COL23A1: variants seen among roughly 807,000 people sequenced by gnomAD.
COL23A1 encodes collagen type XXIII alpha 1 chain, also known as collagen alpha-1(XXIII) chain.
In COL23A1, 97 loss-of-function variants were observed where a neutral mutation model predicts 99.3. The ratio of observed to expected loss-of-function variants is 0.98; its 90% CI spans 0.83 to 1.16. The LOEUF (loss-of-function observed/expected upper bound fraction) is 1.16. Ranked by LOEUF, COL23A1 falls within the 50% of genes most tolerant of loss-of-function variation. COL23A1 has a pLI of 0.00. For missense variants in COL23A1, 762 were observed against 757.4 expected, an observed-to-expected ratio of 1.01 and a Z score of -0.07; for synonymous variants, 320 against 308.2, an observed-to-expected ratio of 1.04 and a Z score of -0.40.
chr5:178,292,604 A>G (rs2973778), intron 3 of COL23A1, among the ~76,000 whole-genome samples: 123,111 of 152,088 alleles, frequency 0.81, 50,686 homozygotes, highest in Non-Finnish European at 0.9. Context: ...CGTGTGGGGT[A>G]GCAGGGGTAG....
intron 2 of COL23A1, among the ~76,000 whole-genome samples, chr5:178,444,895 T>C (rs566474509): frequency 3.1e-4 from 47 of 152,330 alleles, no homozygotes; most frequent in Non-Finnish European, 5.4e-4. Context: ...GAAATATAAA[T>C]ATAATACAGT....
At chr5:178,272,666 C>T (rs550224074) in intron 5 of COL23A1, among the ~76,000 whole-genome samples, 7 of 152,278 alleles carry the variant, frequency 4.6e-5, no homozygotes, top group Admixed American at 6.5e-5. Flanking sequence ...TGCCAGTTCC[C>T]GGCTGTCCTG....
rs989282172 is a variant in COL23A1, at chr5:178,281,527, C to T, written c.441+6797G>A. ...CCTCGACTCCAGAGGGGCTTGGGCA[C>T]GGCGCTCCGGGGCCCAGGAGGTGCC... On this transcript the variant is annotated intron_variant, in intron 5 of 28. Coordinates refer to ENST00000390654, the MANE Select transcript of COL23A1 (RefSeq NM_173465.4). The surrounding 1 kb of genome is among the most constrained non-coding windows in gnomAD (Gnocchi z 4.0). Among the ~76,000 whole-genome samples the T allele has an allele frequency of 9.2e-5, 14 of 152,236 alleles. No individual in the cohort carries two copies. In the South Asian group the frequency reaches 1.7e-3, roughly 18 times the overall value.
intron 2 of COL23A1, among the ~76,000 whole-genome samples, chr5:178,409,489 AGT>A (rs34824661): frequency 4.0e-5 from 6 of 151,284 alleles, no homozygotes; most frequent in South Asian, 2.1e-4. Flanking sequence ...TATTTACACT[AGT>A]GTGTGTGTGT....
intron 2 of COL23A1, among the ~76,000 whole-genome samples, chr5:178,517,873 C>CTTTTTTTTTTTTTTTTTTTT (rs71577021): frequency 7.2e-5 from 7 of 97,734 alleles, no homozygotes; most frequent in African/African-American, 9.7e-5. Flanking sequence ...AACAGCGGTT[C>CTTTTTTTTTTTTTTTTTTTT]TTTTTTTTTT....
chr5:178,533,483 A>G (rs1333506159), intron 2 of COL23A1, among the ~76,000 whole-genome samples: 1 of 152,110 alleles, frequency 6.6e-6, no homozygotes, highest in African/African-American at 2.4e-5. Context: ...AGCTTCATCC[A>G]TGTTGTAGCA....
chr5:178,508,157 T>A (rs763273042), intron 2 of COL23A1, among the ~76,000 whole-genome samples: 10 of 152,174 alleles, frequency 6.6e-5, no homozygotes, highest in Non-Finnish European at 1.0e-4. Context: ...ATCTTTTGAG[T>A]TTTTAATTTT....
At chr5:178,560,804 A>G in intron 1 of COL23A1, 56 bp from the exon 2 acceptor site, 2 of 1,537,948 alleles carry the variant, frequency 1.3e-6, no homozygotes, top group East Asian at 2.3e-5. Context: ...TTCAGAACAG[A>G]GAGGGGTAAA....
chr5:178,524,621 T>C (rs1406254645), intron 2 of COL23A1, among the ~76,000 whole-genome samples: 1 of 152,208 alleles, frequency 6.6e-6, no homozygotes, highest in Admixed American at 6.5e-5. Context: ...TCCTCCCCCA[T>C]GGACCACCTG....
In COL23A1 at chr5:178,491,075, AAGG is replaced by A. The variant is rs138752011; in HGVS notation, c.361+69604_361+69606del. The stretch of plus-strand genomic sequence containing the variant: ...GGAGAGAGAGAGAAAAAGAGGAAAG[AAGG>A]AGAAGAGAGAAGAGAGAGGAGGGGG... On this transcript the variant is annotated intron_variant, in intron 2 of 28. Transcript: ENST00000390654. Among the ~76,000 whole-genome samples, 89 of 151,914 alleles carry A rather than the reference AAGG, an allele frequency of 5.9e-4. 1 individual carries two copies. Among genetic ancestry groups the A allele is most frequent in the African/African-American group, 2.0e-3 (81 of 41,422 alleles).
intron 4 of COL23A1, 154 bp from the exon 5 acceptor site, chr5:178,288,504 T>G (rs755897761): frequency 1.3e-6 from 1 of 741,834 alleles, no homozygotes; most frequent in South Asian, 1.5e-5. Flanking sequence ...TCCAGGGGTC[T>G]TGGGGGCAGA....
chr5:178,364,139 G>A lies in COL23A1; in HGVS notation c.362-57220C>T, dbSNP rs115837823. Among the ~76,000 whole-genome samples, 333 of 152,300 alleles carry A rather than the reference G, an allele frequency of 2.2e-3. 2 individuals carry two copies. The highest frequency in any genetic ancestry group is 7.4e-3 in the African/African-American group (307 of 41,556). ...ATCTTGTGCCACATGGACATTTAAA[G>A]CCGCGTGTGCTTTTCTGCACATTTC... On this transcript the variant is annotated intron_variant, in intron 2 of 28. Coordinates refer to ENST00000390654, the MANE Select transcript of COL23A1 (RefSeq NM_173465.4).
At position 178,474,726 on chromosome 5, in the gene COL23A1, A is replaced by C. The variant is rs542684661; in HGVS notation, c.361+85956T>G. ...GTTTAGGTACAGGGGATTCCAAAGC[A>C]AACAAAAGAAAATCAATTGCTCCCA... On this transcript the variant is annotated intron_variant, in intron 2 of 28. Transcript: ENST00000390654. Among the ~76,000 whole-genome samples the C allele has an allele frequency of 2.6e-5, 4 of 152,366 alleles. No individual in the cohort carries two copies. The South Asian group carries it at 6.2e-4, about 24-fold the overall frequency.
chr5:178,519,924 G>A (rs1368742621), intron 2 of COL23A1, among the ~76,000 whole-genome samples: 1 of 152,108 alleles, frequency 6.6e-6, no homozygotes, highest in Non-Finnish European at 1.5e-5. Context: ...TGGTCAGATG[G>A]ACAGATGGTT....
chr5:178,262,248 G>A lies in COL23A1; in HGVS notation c.644C>T (p.Pro215Leu), dbSNP rs377584065. 5 of 1,581,728 alleles carry A rather than the reference G, an allele frequency of 3.2e-6. No homozygotes were observed. In the African/African-American group the frequency reaches 5.4e-5, roughly 17 times the overall value. ...GPRGAQGPAG[P>L]KGEPGQDGEM... ...GCCGTCTTGTCCGGGCTCTCCTTTG[G>A]GGCCCTGCGGAAGTGTGAGGGGACA... The change falls in exon 10 of 29, where the codon CCC (proline) becomes CTC (leucine). Residue 215 changes from proline to leucine, a missense_variant. Physicochemically the swap from Pro to Leu is moderately conservative, Grantham distance 98. Coordinates refer to ENST00000390654, the MANE Select transcript of COL23A1 (RefSeq NM_173465.4).
In COL23A1 at chr5:178,468,355, G is replaced by A. The variant is rs1756539520; in HGVS notation, c.361+92327C>T. On this transcript the variant is annotated intron_variant, in intron 2 of 28. Coordinates refer to ENST00000390654, the MANE Select transcript of COL23A1 (RefSeq NM_173465.4). The surrounding 1 kb of genome is among the most constrained non-coding windows in gnomAD (Gnocchi z 4.2). Reference sequence around the variant, plus strand: ...ACACGGAGGTGCAAGACAGGGAGGGGATGGAAGCCAGCACGTGGGTCAAAG... The same window carrying A: ...ACACGGAGGTGCAAGACAGGGAGGGAATGGAAGCCAGCACGTGGGTCAAAG... Among the ~76,000 whole-genome samples the A allele has an allele frequency of 6.6e-6, 1 of 152,194 alleles. No individual in the cohort carries two copies. Among genetic ancestry groups the A allele is most frequent in the Non-Finnish European group, 1.5e-5 (1 of 68,034 alleles).
intron 2 of COL23A1, among the ~76,000 whole-genome samples, chr5:178,558,880 C>T (rs1407047435): frequency 6.6e-6 from 1 of 152,034 alleles, no homozygotes; most frequent in African/African-American, 2.4e-5. Context: ...CCTCCACCTC[C>T]CAGGATGAAG....
intron 2 of COL23A1, among the ~76,000 whole-genome samples, chr5:178,500,622 A>T (rs1406110944): frequency 1.3e-5 from 2 of 151,226 alleles, no homozygotes. Flanking sequence ...AAACCAAAAC[A>T]AAAAACAACA....
intron 1 of COL23A1, among the ~76,000 whole-genome samples, chr5:178,578,209 T>C (rs1461019499): frequency 6.6e-6 from 1 of 151,820 alleles, no homozygotes; most frequent in Non-Finnish European, 1.5e-5. Context: ...CATACACCCA[T>C]GTACACACAC....
Sources: allele counts gnomAD v4.1 joint callset (sites outside exome capture counted in the v4.1 genomes callset), GRCh38; gene constraint gnomAD v4.1.1; non-coding constraint Gnocchi (gnomAD v3.1); transcripts MANE v1.5; gene names NCBI Gene and HGNC (gene_info 2026-07-23, HGNC 2026-07-21).